Variants in LRCH1 observed in about 807,000 individuals in gnomAD.
The protein encoded by LRCH1 is leucine rich repeats and calponin homology domain containing 1, also known as leucine-rich repeat and calponin homology domain-containing protein 1.
A neutral mutation model predicts 94.9 loss-of-function variants in LRCH1; 23 were observed. The observed-to-expected ratio is 0.24, with a 90% CI of 0.17 to 0.34. LRCH1 has a LOEUF of 0.34. LRCH1 is among the 10% of genes least tolerant of loss of function. LRCH1 has a pLI of 1.00. For synonymous variants in LRCH1, 364 were observed against 354.9 expected (o/e 1.03, Z -0.29); for missense variants, 790 against 945.9 (o/e 0.84, Z 2.16).
intron 2 of LRCH1, among the ~76,000 whole-genome samples, chr13:46,658,549 G>T (rs962222590): frequency 6.6e-6 from 1 of 152,102 alleles, no homozygotes; most frequent in East Asian, 1.9e-4. Flanking sequence ...GTGCAATTAC[G>T]GCTCACCACA....
chr13:46,750,828 G>A (rs994783280), exon 19 of LRCH1: 28 of 477,060 alleles, frequency 5.9e-5, no homozygotes, highest in Middle Eastern at 4.5e-4. Flanking sequence ...GCTGACCTCC[G>A]ACTTTAAGAC....
chr13:46,601,830 G>T (rs575980174), intron 1 of LRCH1, among the ~76,000 whole-genome samples: 1 of 152,168 alleles, frequency 6.6e-6, no homozygotes, highest in African/African-American at 2.4e-5. Context: ...GGCTGGGCTT[G>T]TATCATAGTA....
intron 15 of LRCH1, 97 bp downstream of exon 15, chr13:46,712,694 A>T (rs1011089713): frequency 2.7e-6 from 3 of 1,110,352 alleles, no homozygotes; most frequent in Non-Finnish European, 4.0e-6. Flanking sequence ...CATCCTTGTC[A>T]GTTCTGCTGA....
At chr13:46,573,868 T>TATATATATATATATA (rs1374087114) in intron 1 of LRCH1, among the ~76,000 whole-genome samples, 2 of 40,464 alleles carry the variant, frequency 4.9e-5, no homozygotes, top group East Asian at 2.5e-3. Flanking sequence ...ATATATATAT[T>TATATATATATATATA]TTTTTTTTTT....
At chr13:46,691,969 T>A (rs1224026526) in intron 7 of LRCH1, among the ~76,000 whole-genome samples, 2 of 152,164 alleles carry the variant, frequency 1.3e-5, no homozygotes, top group Non-Finnish European at 2.9e-5. Flanking sequence ...ATTACAGGTG[T>A]GAGCCACCAC....
intron 1 of LRCH1, among the ~76,000 whole-genome samples, chr13:46,608,157 C>T (rs2050708605): frequency 6.6e-6 from 1 of 152,154 alleles, no homozygotes; most frequent in Non-Finnish European, 1.5e-5. Flanking sequence ...AACTTGGGAT[C>T]CAATTTATTT....
intron 3 of LRCH1, among the ~76,000 whole-genome samples, chr13:46,673,924 G>T (rs991876093): frequency 2.6e-5 from 4 of 152,202 alleles, no homozygotes; most frequent in African/African-American, 9.6e-5. Flanking sequence ...GGGACTACAG[G>T]CACGTACCAC....
intron 1 of LRCH1, among the ~76,000 whole-genome samples, chr13:46,642,192 A>G (rs895141158): frequency 6.6e-6 from 1 of 152,246 alleles, no homozygotes; most frequent in African/African-American, 2.4e-5. Context: ...CTTTTAGTAC[A>G]GAGCTATAGA....
At chr13:46,723,179 C>A in intron 16 of LRCH1, 42 bp from the exon 17 acceptor site, 1 of 1,112,352 alleles carries the variant, frequency 9.0e-7, no homozygotes, top group Non-Finnish European at 1.3e-6. Context: ...CCCTATGTGA[C>A]AAGGCACTAT....
chr13:46,556,730 C>G (rs939747104), intron 1 of LRCH1, among the ~76,000 whole-genome samples: 6 of 152,074 alleles, frequency 3.9e-5, no homozygotes, highest in Admixed American at 6.5e-5. Flanking sequence ...GGCAGCCTCA[C>G]GTTAATTCAT....
At chr13:46,705,358 A>G in intron 13 of LRCH1, 54 bp downstream of exon 13, 2 of 1,370,840 alleles carry the variant, frequency 1.5e-6, no homozygotes, top group Non-Finnish European at 2.1e-6. Flanking sequence ...GCCATGGAAT[A>G]CTGGCCACCA....
chr13:46,651,947 G>A (rs1487331437), intron 2 of LRCH1, among the ~76,000 whole-genome samples: 1 of 146,304 alleles, frequency 6.8e-6, no homozygotes, highest in Non-Finnish European at 1.5e-5. Context: ...GAGTGCAGTG[G>A]CGCGATCTCG....
At chr13:46,566,427 T>C (rs865836310) in intron 1 of LRCH1, among the ~76,000 whole-genome samples, 3 of 152,298 alleles carry the variant, frequency 2.0e-5, no homozygotes, top group South Asian at 2.1e-4. Flanking sequence ...GCTACTGATA[T>C]GGTAACTCGG....
intron 1 of LRCH1, among the ~76,000 whole-genome samples, chr13:46,604,371 CT>C (rs1271101657): frequency 6.6e-6 from 1 of 152,138 alleles, no homozygotes; most frequent in Non-Finnish European, 1.5e-5. Context: ...GCACAGTAGC[CT>C]TGCTCCCTGG....
intron 2 of LRCH1, among the ~76,000 whole-genome samples, chr13:46,662,360 G>A (rs764431380): frequency 1.3e-5 from 2 of 152,080 alleles, no homozygotes; most frequent in Admixed American, 6.6e-5. Flanking sequence ...AGCTTAGGCC[G>A]CTACAAGTCT....
In LRCH1 at chr13:46,592,158, G is replaced by A. The variant is rs560380841; in HGVS notation, c.307+38455G>A. On this transcript the variant is annotated intron_variant, in intron 1 of 19. Coordinates refer to ENST00000389797, the MANE Select transcript of LRCH1 (RefSeq NM_001164211.2). ...GTTGGGCAGCTTTTTAAGGTACGGC[G>A]CCTCGTGGAGGACTCCATTAATGAG... Among the ~76,000 whole-genome samples, 59 of 152,292 alleles carry A rather than the reference G, an allele frequency of 3.9e-4. No individual in the cohort carries two copies. The South Asian group carries it at 9.9e-3, about 26-fold the overall frequency.
chr13:46,594,926 A>G (rs1382584684), intron 1 of LRCH1, among the ~76,000 whole-genome samples: 1 of 152,218 alleles, frequency 6.6e-6, no homozygotes, highest in Non-Finnish European at 1.5e-5. Flanking sequence ...TTATGTAACT[A>G]TACAGGCTAT....
chr13:46,554,315 C>T (rs1482119268), intron 1 of LRCH1, among the ~76,000 whole-genome samples: 4 of 152,358 alleles, frequency 2.6e-5, no homozygotes, highest in South Asian at 4.1e-4. Context: ...GTTTCCTCTC[C>T]CTGCGCTTGT....
chr13:46,624,554 C>T (rs550389659), intron 1 of LRCH1, among the ~76,000 whole-genome samples: 1 of 152,234 alleles, frequency 6.6e-6, no homozygotes, highest in East Asian at 1.9e-4. Flanking sequence ...GTGGTTTGAG[C>T]TTGCTGAGAA....
Sources: gnomAD v4.1 joint callset for allele counts (sites outside exome capture counted in the v4.1 genomes callset) on GRCh38, gnomAD v4.1.1 for gene constraint, MANE v1.5 for transcripts, NCBI Gene and HGNC (gene_info 2026-07-23, HGNC 2026-07-21) for gene names.